Variants in KCNH7 observed in about 807,000 individuals in gnomAD.
KCNH7 encodes potassium voltage-gated channel subfamily H member 7.
KCNH7 carries 49 observed loss-of-function variants against 120.8 expected under a neutral mutation model. The observed-to-expected ratio is 0.41, with a 90% CI of 0.32 to 0.51. The LOEUF (loss-of-function observed/expected upper bound fraction) is 0.51. KCNH7 is among the 20% of genes least tolerant of loss of function. KCNH7 has a pLI of 0.38. For missense variants in KCNH7, 1,097 were observed against 1,446.6 expected, an observed-to-expected ratio of 0.76 and a Z score of 3.92; for synonymous variants, 547 against 516.1, an observed-to-expected ratio of 1.06 and a Z score of -0.81.
intron 2 of KCNH7, among the ~76,000 whole-genome samples, chr2:162,791,029 T>G (rs1396176848): frequency 6.6e-6 from 1 of 152,114 alleles, no homozygotes; most frequent in East Asian, 1.9e-4. Flanking sequence ...GAAGTTAAAT[T>G]GTCTCTACTC....
intron 6 of KCNH7, among the ~76,000 whole-genome samples, chr2:162,452,938 T>C (rs763926326): frequency 1.3e-4 from 19 of 151,994 alleles, no homozygotes; most frequent in Non-Finnish European, 2.2e-4. Flanking sequence ...CTCTCTCTCT[T>C]ATTTTATTTC....
chr2:162,696,659 A>G (rs916714108), intron 2 of KCNH7, among the ~76,000 whole-genome samples: 2 of 152,066 alleles, frequency 1.3e-5, no homozygotes, highest in African/African-American at 4.8e-5. Flanking sequence ...AAAAAAAAAA[A>G]GATTGATTCT....
chr2:162,721,184 A>G (rs1289545326), intron 2 of KCNH7, among the ~76,000 whole-genome samples: 2 of 152,174 alleles, frequency 1.3e-5, no homozygotes, highest in Non-Finnish European at 2.9e-5. Flanking sequence ...AGTAAAATTC[A>G]GTAAACTAAT....
At chr2:162,709,722 AATTC>A (rs1686850869) in intron 2 of KCNH7, among the ~76,000 whole-genome samples, 1 of 152,152 alleles carries the variant, frequency 6.6e-6, no homozygotes, top group Non-Finnish European at 1.5e-5. Context: ...CTGTGTTCAG[AATTC>A]CTTTCTCCTG....
chr2:162,755,230 G>A (rs1455778166), intron 2 of KCNH7, among the ~76,000 whole-genome samples: 1 of 152,106 alleles, frequency 6.6e-6, no homozygotes, highest in Non-Finnish European at 1.5e-5. Flanking sequence ...CACTTTGGGA[G>A]GCCAAGGCAG....
At chr2:162,723,290 A>G (rs1687396308) in intron 2 of KCNH7, among the ~76,000 whole-genome samples, 1 of 152,016 alleles carries the variant, frequency 6.6e-6, no homozygotes, top group Non-Finnish European at 1.5e-5. Flanking sequence ...ACCCCCACCA[A>G]TCAGCCCAGA....
intron 15 of KCNH7, 28 bp downstream of exon 15, chr2:162,373,442 C>T (rs780005662): frequency 3.1e-5 from 45 of 1,455,014 alleles, no homozygotes; most frequent in Non-Finnish European, 3.8e-5. Flanking sequence ...GTGAGAGACA[C>T]TCTTGGTTGG....
At chr2:162,641,672 G>C (rs1684162118) in intron 2 of KCNH7, among the ~76,000 whole-genome samples, 1 of 152,144 alleles carries the variant, frequency 6.6e-6, no homozygotes, top group African/African-American at 2.4e-5. Flanking sequence ...GTTGGGAAGT[G>C]ATTATACAGG....
At chr2:162,785,468 A>G (rs920626759) in intron 2 of KCNH7, among the ~76,000 whole-genome samples, 4 of 152,196 alleles carry the variant, frequency 2.6e-5, no homozygotes, top group Non-Finnish European at 4.4e-5. Context: ...TTAATATTTT[A>G]CATCGGAAGT....
intron 2 of KCNH7, among the ~76,000 whole-genome samples, chr2:162,832,702 T>A (rs150756461): frequency 1.3e-5 from 2 of 152,246 alleles, no homozygotes; most frequent in African/African-American, 4.8e-5. Context: ...TTACAGTGCC[T>A]GGTACATTAC....
intron 5 of KCNH7, 84 bp downstream of exon 5, chr2:162,512,570 A>G: frequency 8.2e-7 from 1 of 1,218,406 alleles, no homozygotes; most frequent in Non-Finnish European, 1.2e-6. Flanking sequence ...GTTGCACTGA[A>G]CAGGGCATAC....
chr2:162,421,838 G>GT (rs1687716326), intron 9 of KCNH7, among the ~76,000 whole-genome samples: 1 of 152,062 alleles, frequency 6.6e-6, no homozygotes, highest in East Asian at 1.9e-4. Context: ...TAAAATAATT[G>GT]TTTTGCTACT....
In KCNH7 at chr2:162,666,971, A is replaced by G. The variant is rs1359678150; in HGVS notation, c.308-129891T>C. On this transcript the variant is annotated intron_variant, in intron 2 of 15. Transcript: ENST00000332142. ...TTTCTCTCAAAACTTTATCCATTCC[A>G]CTCTTTCGTCAGAACTATACCTTCT... is the stretch of plus-strand genomic sequence containing the variant. Among the ~76,000 whole-genome samples, 29 of 133,770 alleles carry G rather than the reference A, an allele frequency of 2.2e-4. No individual in the cohort carries two copies. In the East Asian group the frequency reaches 5.4e-3, roughly 25 times the overall value. The allele number at this position is 133,770 out of a possible 152,430, so 87.8% of individuals were successfully genotyped here.
chr2:162,517,227 T>A (rs1691332638), intron 4 of KCNH7, among the ~76,000 whole-genome samples: 2 of 151,822 alleles, frequency 1.3e-5, no homozygotes, highest in East Asian at 2.0e-4. Flanking sequence ...TCCCTTTAAA[T>A]TTTTCCCCTT....
chr2:162,627,786 A>T (rs1459463525), intron 2 of KCNH7, among the ~76,000 whole-genome samples: 1 of 152,196 alleles, frequency 6.6e-6, no homozygotes, highest in East Asian at 1.9e-4. Flanking sequence ...CATAGTCAAC[A>T]TTCAAATTTT....
At chr2:162,526,016 T>A (rs1691692762) in intron 3 of KCNH7, among the ~76,000 whole-genome samples, 1 of 152,006 alleles carries the variant, frequency 6.6e-6, no homozygotes, top group African/African-American at 2.4e-5. Flanking sequence ...GATTCTTTTC[T>A]ATTTTCCCTA....
In KCNH7 at chr2:162,475,039, G is replaced by A. The variant is rs915398966; in HGVS notation, c.1129-28596C>T. Among the ~76,000 whole-genome samples, 12 of 152,262 alleles carry A rather than the reference G, an allele frequency of 7.9e-5. No individual in the cohort carries two copies. In the East Asian group the frequency reaches 2.3e-3, roughly 29 times the overall value. ...CTAGCTAAGCTTCTCTTCAATTCTC[G>A]ATCCATAAAAACTGTGGGGTAACAA... is the stretch of plus-strand genomic sequence containing the variant. On this transcript the variant is annotated intron_variant, in intron 6 of 15. Coordinates refer to ENST00000332142, the MANE Select transcript of KCNH7 (RefSeq NM_033272.4).
rs543843796 is a variant in KCNH7, at chr2:162,570,730, G to C, written c.308-33650C>G. 2.6e-3 allele frequency among the ~76,000 whole-genome samples: 396 copies of C among 152,056 alleles called. 2 individuals carry two copies. Among genetic ancestry groups the C allele is most frequent in the Non-Finnish European group, 2.5e-3 (170 of 67,966 alleles). On this transcript the variant is annotated intron_variant, in intron 2 of 15. Transcript: ENST00000332142. ...AGCTCTTTCATCCCTGGGATGCAAG[G>C]CTGGTTCAATATATGCAAATCAATA...
chr2:162,566,755 G>T (rs972535121), intron 2 of KCNH7, among the ~76,000 whole-genome samples: 1 of 152,018 alleles, frequency 6.6e-6, no homozygotes, highest in African/African-American at 2.4e-5. Flanking sequence ...TTATGGTCAG[G>T]TAGAGATCAA....
Sources: allele counts gnomAD v4.1 joint callset (sites outside exome capture counted in the v4.1 genomes callset), GRCh38; gene constraint gnomAD v4.1.1; transcripts MANE v1.5; gene names NCBI Gene and HGNC (gene_info 2026-07-23, HGNC 2026-07-21).